SBF2: variants seen among roughly 807,000 people sequenced by gnomAD.
SBF2 encodes the protein myotubularin-related protein 13.
A neutral mutation model predicts 225.2 loss-of-function variants in SBF2; 112 were observed. The ratio of observed to expected loss-of-function variants is 0.50; its 90% confidence interval spans 0.43 to 0.58. SBF2 has a LOEUF of 0.58. SBF2 is among the 20% of genes least tolerant of loss of function. SBF2 has a pLI of 0.00. For synonymous variants in SBF2, 763 were observed against 773.3 expected, an observed-to-expected ratio of 0.99 and a Z score of 0.22; for missense variants, 1,996 against 2,206.2, an observed-to-expected ratio of 0.90 and a Z score of 1.91.
intron 16 of SBF2, among the ~76,000 whole-genome samples, chr11:9,917,244 CT>C (rs1863174678): frequency 6.6e-6 from 1 of 151,668 alleles, no homozygotes; most frequent in Admixed American, 6.6e-5. Context: ...TATAATTTAT[CT>C]TTTATAAAGT....
rs1267253989 is a variant in SBF2 at position 9,789,141 on chromosome 11, T to C, written c.4900A>G (p.Thr1634Ala). The change falls in exon 35 of 40, where the codon ACT becomes GCT. Residue 1634 changes from threonine (T) to alanine (A), a missense_variant. By Grantham distance (58) the Thr-to-Ala change is moderately conservative. Transcript: ENST00000256190. ...AGGCTGGTGAGAGCATCAGGCTGAG[T>C]ACAGCTGACATCATCATAGCATGGC... Reference protein sequence around the residue: ...VWPCYDDVSCTQPDALTSLFS... With the variant: ...VWPCYDDVSCAQPDALTSLFS... 3 of 1,614,104 alleles carry C rather than the reference T, an allele frequency of 1.9e-6. No homozygotes were observed. The South Asian group carries it at 3.3e-5, about 18-fold the overall frequency.
chr11:9,790,119 G>A (rs768260687), intron 34 of SBF2, among the ~76,000 whole-genome samples: 20 of 152,322 alleles, frequency 1.3e-4, no homozygotes, highest in Admixed American at 4.6e-4. Flanking sequence ...CAGTTGCCCC[G>A]AGATATGTTA....
chr11:9,812,850 T>C, intron 29 of SBF2, 142 bp from the exon 30 acceptor site: 1 of 794,748 alleles, frequency 1.3e-6, no homozygotes, highest in Non-Finnish European at 2.1e-6. Flanking sequence ...AAAGTCAATC[T>C]TGTACAGCAA....
chr11:10,207,269 A>C (rs1239640859), intron 1 of SBF2, among the ~76,000 whole-genome samples: 1 of 152,110 alleles, frequency 6.6e-6, no homozygotes, highest in Non-Finnish European at 1.5e-5. Context: ...TGAGAGGAAA[A>C]TCCAGACATT....
intron 16 of SBF2, among the ~76,000 whole-genome samples, chr11:9,930,959 G>A (rs1235905264): frequency 6.6e-6 from 1 of 152,266 alleles, no homozygotes; most frequent in African/African-American, 2.4e-5. Context: ...CCCATGCCAG[G>A]CTTGGCTGGT....
chr11:9,809,880 T>C (rs1291456134), intron 30 of SBF2, among the ~76,000 whole-genome samples: 3 of 152,116 alleles, frequency 2.0e-5, no homozygotes, highest in African/African-American at 4.8e-5. Context: ...GGGAATTAGA[T>C]AGTGGTGATA....
intron 32 of SBF2, among the ~76,000 whole-genome samples, chr11:9,806,130 T>C (rs549740085): frequency 1.4e-4 from 21 of 152,318 alleles, no homozygotes; most frequent in African/African-American, 4.3e-4. Context: ...TAGAGGGCAA[T>C]AGTTACATAC....
chr11:10,193,567 T>C (rs1565341257), intron 2 of SBF2, among the ~76,000 whole-genome samples: 1 of 152,010 alleles, frequency 6.6e-6, no homozygotes, highest in Admixed American at 6.6e-5. Flanking sequence ...GTTACCAGGA[T>C]GGTATCAATC....
At chr11:10,142,491 T>A (rs1954691440) in intron 2 of SBF2, among the ~76,000 whole-genome samples, 1 of 152,196 alleles carries the variant, frequency 6.6e-6, no homozygotes, top group Non-Finnish European at 1.5e-5. Flanking sequence ...ATTTTTTCCT[T>A]CTCTCTACTC....
At chr11:10,273,945 G>A (rs555548753) in intron 1 of SBF2, among the ~76,000 whole-genome samples, 1 of 152,292 alleles carries the variant, frequency 6.6e-6, no homozygotes, top group South Asian at 2.1e-4. Flanking sequence ...TAGGCAGGGT[G>A]GAATCCCTTT....
chr11:10,015,572 C>T (rs911706820), intron 6 of SBF2, among the ~76,000 whole-genome samples: 2 of 152,148 alleles, frequency 1.3e-5, no homozygotes, highest in African/African-American at 4.8e-5. Flanking sequence ...TTATCGTGGT[C>T]CACCTGGGGT....
intron 6 of SBF2, among the ~76,000 whole-genome samples, chr11:10,008,810 G>C (rs1252348155): frequency 2.6e-5 from 4 of 152,234 alleles, no homozygotes; most frequent in African/African-American, 9.6e-5. Flanking sequence ...ACTATTGAAG[G>C]GACAGAGCCA....
intron 16 of SBF2, among the ~76,000 whole-genome samples, chr11:9,948,394 T>G (rs1321703180): frequency 6.6e-6 from 1 of 152,152 alleles, no homozygotes; most frequent in Non-Finnish European, 1.5e-5. Context: ...GCTGTATACT[T>G]AAGGATGGTT....
At chr11:9,998,788 T>C (rs898741308) in intron 8 of SBF2, among the ~76,000 whole-genome samples, 2 of 152,200 alleles carry the variant, frequency 1.3e-5, no homozygotes, top group African/African-American at 4.8e-5. Flanking sequence ...AACTTGGATC[T>C]TGAGTGACTT....
Position 9,829,343 on chromosome 11 carries a change from T to A in SBF2, c.3793+13A>T. On this transcript the variant is annotated intron_variant, in intron 28 of 39. Coordinates refer to ENST00000256190, the MANE Select transcript of SBF2 (RefSeq NM_030962.4). Reference sequence around the variant, plus strand: ...TAGAAGCTGTCAAGAAGAAAAGTATTATCAAATCTTACCTGGAGATAGAGC... The same window carrying A: ...TAGAAGCTGTCAAGAAGAAAAGTATAATCAAATCTTACCTGGAGATAGAGC... 6.2e-7 allele frequency: 1 copy of A among 1,613,842 alleles called. No individual in the cohort carries two copies. Among genetic ancestry groups the A allele is most frequent in the Non-Finnish European group, 8.5e-7 (1 of 1,179,812 alleles).
At chr11:10,057,062 A>C (rs906929858) in intron 2 of SBF2, among the ~76,000 whole-genome samples, 1 of 152,134 alleles carries the variant, frequency 6.6e-6, no homozygotes, top group Non-Finnish European at 1.5e-5. Flanking sequence ...TCCCAGAGGG[A>C]GAAACACGCT....
At chr11:10,037,385 G>A (rs1478148684) in intron 3 of SBF2, among the ~76,000 whole-genome samples, 2 of 152,050 alleles carry the variant, frequency 1.3e-5, no homozygotes, top group African/African-American at 4.8e-5. Flanking sequence ...CTAAGAATTA[G>A]TCTCTAGAAT....
At chr11:10,086,014 T>C (rs1278074812) in intron 2 of SBF2, among the ~76,000 whole-genome samples, 1 of 122,954 alleles carries the variant, frequency 8.1e-6, no homozygotes, top group African/African-American at 3.1e-5. Context: ...TCAAAAGATA[T>C]AAGTGGAGGC....
chr11:10,175,687 A>C (rs1956432710), intron 2 of SBF2, among the ~76,000 whole-genome samples: 1 of 150,798 alleles, frequency 6.6e-6, no homozygotes. Flanking sequence ...AGAACTCTCC[A>C]CCCCAAATCA....
Sources: allele counts gnomAD v4.1 joint callset (sites outside exome capture counted in the v4.1 genomes callset), GRCh38; gene constraint gnomAD v4.1.1; transcripts MANE v1.5; gene names NCBI Gene and HGNC (gene_info 2026-07-23, HGNC 2026-07-21).